Variants in RBM33 observed in about 807,000 individuals in gnomAD.
RBM33 encodes RNA binding motif protein 33.
Under a neutral mutation model 132.6 loss-of-function variants are expected in RBM33, and 28 were observed. That is an observed-to-expected ratio of 0.21 (90% CI 0.16 to 0.29). The LOEUF is 0.29. Among genes scored for constraint, RBM33 ranks in the 10% least tolerant of loss-of-function variants. The pLI is 1.00. For synonymous variants in RBM33, 634 were observed against 593.0 expected, an observed-to-expected ratio of 1.07 and a Z score of -1.01; for missense variants, 1,291 against 1,518.5, an observed-to-expected ratio of 0.85 and a Z score of 2.49.
At chr7:155,703,652 CAG>C (rs907545678) in intron 6 of RBM33, among the ~76,000 whole-genome samples, 1 of 152,162 alleles carries the variant, frequency 6.6e-6, no homozygotes, top group Non-Finnish European at 1.5e-5. Flanking sequence ...TTTCCTAAAA[CAG>C]TGAATTCTCT....
At chr7:155,764,255 C>T (rs1445049204) in intron 15 of RBM33, among the ~76,000 whole-genome samples, 2 of 152,206 alleles carry the variant, frequency 1.3e-5, no homozygotes, top group African/African-American at 2.4e-5. Flanking sequence ...GCCAGGAGTG[C>T]GATTGCTTCC....
chr7:155,663,496 A>G (rs542305178), intron 1 of RBM33, among the ~76,000 whole-genome samples: 1 of 152,116 alleles, frequency 6.6e-6, no homozygotes, highest in Non-Finnish European at 1.5e-5. Flanking sequence ...CACACTTTAC[A>G]ACAACCAGAT....
intron 1 of RBM33, among the ~76,000 whole-genome samples, chr7:155,662,926 T>C (rs951602831): frequency 6.6e-6 from 1 of 152,104 alleles, no homozygotes; most frequent in Non-Finnish European, 1.5e-5. Flanking sequence ...CATTACTGAG[T>C]TTCAAGGATG....
chr7:155,700,489 G>A (rs972198797), intron 5 of RBM33, among the ~76,000 whole-genome samples: 1 of 149,926 alleles, frequency 6.7e-6, no homozygotes, highest in Non-Finnish European at 1.5e-5. Context: ...ATTTTCAGAC[G>A]TGTAAGCAGC....
intron 1 of RBM33, among the ~76,000 whole-genome samples, chr7:155,647,670 C>G (rs528017938): frequency 2.6e-5 from 4 of 152,250 alleles, no homozygotes; most frequent in South Asian, 4.1e-4. Context: ...GTGATCTGCC[C>G]GCCTCAGCCT....
chr7:155,671,918 T>G (rs1202669696), intron 2 of RBM33, among the ~76,000 whole-genome samples: 1 of 152,178 alleles, frequency 6.6e-6, no homozygotes, highest in Non-Finnish European at 1.5e-5. Flanking sequence ...TGTCTTCAGC[T>G]TTTTTATTTG....
intron 9 of RBM33, among the ~76,000 whole-genome samples, chr7:155,735,979 A>G (rs1467973215): frequency 6.6e-6 from 1 of 152,220 alleles, no homozygotes; most frequent in South Asian, 2.1e-4. Context: ...GTCAAAAGCT[A>G]CGAGATTTTC....
chr7:155,772,197 C>T (rs748745113), intron 16 of RBM33, among the ~76,000 whole-genome samples: 35 of 152,168 alleles, frequency 2.3e-4, no homozygotes, highest in Non-Finnish European at 4.0e-4. Context: ...GAGCACTGAG[C>T]ATGCTGGTGC....
intron 6 of RBM33, chr7:155,701,189 T>G: frequency 1.8e-6 from 1 of 550,570 alleles, no homozygotes; most frequent in Non-Finnish European, 3.2e-6. Context: ...AAAAATTTTT[T>G]TTTGAGTCTG....
intron 5 of RBM33, among the ~76,000 whole-genome samples, chr7:155,687,051 C>T (rs1368610419): frequency 6.6e-6 from 1 of 152,162 alleles, no homozygotes; most frequent in Non-Finnish European, 1.5e-5. Flanking sequence ...TGAGGAGTTG[C>T]CACACTGTCT....
At chr7:155,733,676 A>G (rs528019410) in intron 9 of RBM33, among the ~76,000 whole-genome samples, 1 of 152,268 alleles carries the variant, frequency 6.6e-6, no homozygotes, top group East Asian at 1.9e-4. Context: ...TTCTGCAAGA[A>G]TCCCTGCAGT....
Position 155,680,569 on chromosome 7 carries a change from T to G in RBM33, c.249-21T>G, listed in dbSNP as rs73500194. 10,827 of 1,504,292 alleles carry G rather than the reference T, an allele frequency of 7.2e-3. 72 individuals carry two copies. The highest frequency in any genetic ancestry group is 0.031 in the Middle Eastern group (177 of 5,726). 93.2% of individuals were successfully genotyped at this position (1,504,292 alleles called of 1,614,324 possible). A position where few individuals can be genotyped will look rare whatever the true frequency, so the allele number is the denominator to read the frequency against. On this transcript the variant is annotated intron_variant, in intron 4 of 17. Coordinates refer to ENST00000401878, the MANE Select transcript of RBM33 (RefSeq NM_053043.3). ...CCTCTCTTCATTGGGTGCTTTTTTT[T>G]TTTATTTTCGTCCTCTCTAGTTCTC...
chr7:155,664,562 G>A (rs1366653707), intron 1 of RBM33, among the ~76,000 whole-genome samples: 1 of 151,978 alleles, frequency 6.6e-6, no homozygotes, highest in African/African-American at 2.4e-5. Flanking sequence ...ATGAGCCACC[G>A]CGCCCAGCCA....
rs369344481 is a variant in RBM33 at position 155,769,462 on chromosome 7, C to T, written c.3375+2807C>T. On this transcript the variant is annotated intron_variant, in intron 16 of 17. Transcript: ENST00000401878. Reference sequence around the variant, plus strand: ...CCCCCAGAGGCTGCTGAGGAGAGCCCTCGGAGATGCAGTGCAGAAGCCTCT... The same window carrying T: ...CCCCCAGAGGCTGCTGAGGAGAGCCTTCGGAGATGCAGTGCAGAAGCCTCT... Among the ~76,000 whole-genome samples, 5 of 152,294 alleles carry T rather than the reference C, an allele frequency of 3.3e-5. No homozygotes were observed. In the East Asian group the frequency reaches 9.7e-4, roughly 29 times the overall value.
At chr7:155,701,175 TA>T in intron 6 of RBM33, 1 of 541,688 alleles carries the variant, frequency 1.8e-6, no homozygotes. Flanking sequence ...TTAAGATAAT[TA>T]AAAAAAATTT....
rs183366530 is a variant in RBM33 at position 155,743,394 on chromosome 7, C to T, written c.2337+1288C>T. ...ATAGGGGAAGTTGCCTTTCAGGCATCCTGCTGGCACATCTGGCGATCACTT... is the reference window on the plus strand; with the variant it reads ...ATAGGGGAAGTTGCCTTTCAGGCATTCTGCTGGCACATCTGGCGATCACTT... On this transcript the variant is annotated intron_variant, in intron 13 of 17. Coordinates refer to ENST00000401878, the MANE Select transcript of RBM33 (RefSeq NM_053043.3). Among the ~76,000 whole-genome samples the T allele has an allele frequency of 3.5e-3, 539 of 152,344 alleles. 1 individual carries two copies. The highest frequency in any genetic ancestry group is 5.2e-3 in the Non-Finnish European group (351 of 68,040).
Position 155,732,211 on chromosome 7 carries a change from T to C in RBM33, c.1261-5319T>C, listed in dbSNP as rs532834819. 4.6e-5 allele frequency among the ~76,000 whole-genome samples: 7 copies of C among 152,378 alleles called. No homozygotes were observed. In the East Asian group the frequency reaches 1.4e-3, roughly 29 times the overall value. ...GTGTGTAATTACCTGTCATTCTGAA[T>C]AACTGATACATTAAGCTTTGCTTTA... On this transcript the variant is annotated intron_variant, in intron 9 of 17. Transcript: ENST00000401878.
chr7:155,647,077 C>T (rs1798218602), intron 1 of RBM33, among the ~76,000 whole-genome samples: 1 of 152,168 alleles, frequency 6.6e-6, no homozygotes, highest in Non-Finnish European at 1.5e-5. Flanking sequence ...TTTGGCAGCT[C>T]AGTTTAGCAT....
chr7:155,725,203 G>GTTTTT (rs59050644), intron 9 of RBM33, among the ~76,000 whole-genome samples: 59 of 105,170 alleles, frequency 5.6e-4, no homozygotes, highest in South Asian at 1.4e-3. Context: ...TTTTTTAGTT[G>GTTTTT]TTTTTTTTTT....
Sources: gnomAD v4.1 joint callset for allele counts (sites outside exome capture counted in the v4.1 genomes callset) on GRCh38, gnomAD v4.1.1 for gene constraint, MANE v1.5 for transcripts, NCBI Gene and HGNC (gene_info 2026-07-23, HGNC 2026-07-21) for gene names.